The following LRRC4C variants were observed in gnomAD, a reference collection of about 807,000 sequenced individuals.
LRRC4C encodes the protein leucine-rich repeat-containing protein 4C.
Under a neutral mutation model 33.6 loss-of-function variants are expected in LRRC4C, and 5 were observed. That is an observed-to-expected ratio of 0.15 (90% confidence interval 0.08 to 0.31). The LOEUF is 0.31. LRRC4C is among the 10% of genes least tolerant of loss of function. The pLI is 1.00. For missense variants in LRRC4C, 560 were observed against 796.7 expected (o/e 0.70, Z 3.58); for synonymous variants, 329 against 302.0 (o/e 1.09, Z -0.93).
chr11:40,306,840 T>A (rs1429201439), intron 4 of LRRC4C, among the ~76,000 whole-genome samples: 2 of 152,184 alleles, frequency 1.3e-5, no homozygotes, highest in African/African-American at 4.8e-5. Flanking sequence ...CATTCACTAT[T>A]TAATGATCTT....
At position 41,399,393 on chromosome 11, in the gene LRRC4C, A is replaced by G. The variant is rs565506791; in HGVS notation, c.-496+60038T>C. Among the ~76,000 whole-genome samples the G allele has an allele frequency of 2.6e-5, 4 of 152,050 alleles. No homozygotes were observed. In the East Asian group the frequency reaches 5.8e-4, roughly 22 times the overall value. Reference sequence around the variant, plus strand: ...GGTTTGCAAGGCCAAGTGTCGGGAGAACAACATATTGTATGTGGGAGGGTG... The same window carrying G: ...GGTTTGCAAGGCCAAGTGTCGGGAGGACAACATATTGTATGTGGGAGGGTG... On this transcript the variant is annotated intron_variant, in intron 1 of 6. Transcript: ENST00000528697.
intron 1 of LRRC4C, among the ~76,000 whole-genome samples, chr11:40,952,878 ACACACACACACACACACACTCT>A (rs1225613528): frequency 2.7e-5 from 3 of 109,974 alleles, no homozygotes; most frequent in East Asian, 2.8e-4. Context: ...ACACACACAC[ACACACACACACACACACACTCT>A]CTCTCTCTCT....
chr11:41,091,410 T>G (rs1298857950), intron 1 of LRRC4C, among the ~76,000 whole-genome samples: 1 of 151,848 alleles, frequency 6.6e-6, no homozygotes, highest in Non-Finnish European at 1.5e-5. Context: ...CTAAAATAAT[T>G]AAATAATTAT....
At chr11:40,591,792 A>C (rs1451796948) in intron 3 of LRRC4C, among the ~76,000 whole-genome samples, 2 of 152,236 alleles carry the variant, frequency 1.3e-5, no homozygotes, top group East Asian at 3.8e-4. Context: ...TATTTCTTGT[A>C]AATGCCTATA....
At chr11:40,417,072 G>A (rs1012780031) in intron 3 of LRRC4C, among the ~76,000 whole-genome samples, 14 of 152,168 alleles carry the variant, frequency 9.2e-5, no homozygotes, top group African/African-American at 3.4e-4. Context: ...AAAGCAGCAT[G>A]GTTTAGTTAA....
chr11:40,371,744 G>A (rs994352831), intron 3 of LRRC4C, among the ~76,000 whole-genome samples: 1 of 152,174 alleles, frequency 6.6e-6, no homozygotes, highest in African/African-American at 2.4e-5. Context: ...AATATAATAA[G>A]TGCTAGGATA....
chr11:40,739,395 T>G (rs1948049099), intron 2 of LRRC4C, among the ~76,000 whole-genome samples: 1 of 152,040 alleles, frequency 6.6e-6, no homozygotes, highest in Non-Finnish European at 1.5e-5. Flanking sequence ...GATTTTCTTC[T>G]TTTTGAAGCC....
intron 1 of LRRC4C, among the ~76,000 whole-genome samples, chr11:41,206,877 G>A (rs1444499001): frequency 6.6e-6 from 1 of 152,068 alleles, no homozygotes; most frequent in Non-Finnish European, 1.5e-5. Flanking sequence ...AATGTAATAA[G>A]ATGAGAACAG....
At chr11:40,876,281 T>TTTC (rs71060984) in intron 2 of LRRC4C, among the ~76,000 whole-genome samples, 4 of 146,366 alleles carry the variant, frequency 2.7e-5, no homozygotes, top group African/African-American at 5.1e-5. Flanking sequence ...TTTTTTTTTT[T>TTTC]CATTGGGGAG....
At chr11:40,930,104 A>G (rs1313798891) in intron 2 of LRRC4C, among the ~76,000 whole-genome samples, 2 of 152,182 alleles carry the variant, frequency 1.3e-5, no homozygotes, top group African/African-American at 2.4e-5. Flanking sequence ...CCCGGGGCTA[A>G]TAAGAGAAAA....
intron 1 of LRRC4C, among the ~76,000 whole-genome samples, chr11:41,340,105 C>G (rs997622124): frequency 1.3e-5 from 2 of 152,046 alleles, no homozygotes; most frequent in Non-Finnish European, 2.9e-5. Context: ...TTTTAATTCT[C>G]GTATTAATCC....
chr11:41,195,667 A>G (rs1257731652), intron 1 of LRRC4C, among the ~76,000 whole-genome samples: 1 of 152,138 alleles, frequency 6.6e-6, no homozygotes, highest in Non-Finnish European at 1.5e-5. Context: ...AGAATAATCA[A>G]TAACATCAGA....
chr11:41,176,737 C>T (rs888885433), intron 1 of LRRC4C, among the ~76,000 whole-genome samples: 2 of 151,942 alleles, frequency 1.3e-5, no homozygotes, highest in South Asian at 2.1e-4. Flanking sequence ...CTGACGCAGG[C>T]GGATTGCCTG....
At chr11:41,004,752 ATGTTCTCAGGACCTCCTGAGGCTG>A (rs56227526) in intron 1 of LRRC4C, among the ~76,000 whole-genome samples, 19,870 of 151,874 alleles carry the variant, frequency 0.13, 1,400 homozygotes, top group Non-Finnish European at 0.16. Context: ...GAGGGGGCAC[ATGTTCTCAGGACCTCCTGAGGCTG>A]TGTCACAGAA....
intron 1 of LRRC4C, among the ~76,000 whole-genome samples, chr11:40,975,532 C>T (rs527982172): frequency 2.0e-4 from 31 of 152,294 alleles, no homozygotes; most frequent in African/African-American, 7.2e-4. Context: ...AGTTAAGTAG[C>T]CTCATCTCTT....
At chr11:40,305,813 A>G (rs1231262914) in intron 4 of LRRC4C, among the ~76,000 whole-genome samples, 1 of 152,186 alleles carries the variant, frequency 6.6e-6, no homozygotes, top group Non-Finnish European at 1.5e-5. Flanking sequence ...GTTCTACAGA[A>G]TTACAAAGAT....
Position 40,291,938 on chromosome 11 carries a change from T to A in LRRC4C, c.-176+27690A>T, listed in dbSNP as rs916529202. Among the ~76,000 whole-genome samples, 87 of 151,866 alleles carry A rather than the reference T, an allele frequency of 5.7e-4. 1 individual carries two copies. Among genetic ancestry groups the A allele is most frequent in the Admixed American group, 1.8e-3 (27 of 15,266 alleles). ...AGCGGCTTTCTTGGGGAGCTTTTTTTTTTTTTCCTGGTGAACATTTGCAAA... is the reference window on the plus strand; with the variant it reads ...AGCGGCTTTCTTGGGGAGCTTTTTTATTTTTTCCTGGTGAACATTTGCAAA... On this transcript the variant is annotated intron_variant, in intron 4 of 6. Transcript: ENST00000528697.
At chr11:40,984,197 T>TAGGAAGGA (rs1359684169) in intron 1 of LRRC4C, among the ~76,000 whole-genome samples, 7 of 102,244 alleles carry the variant, frequency 6.8e-5, no homozygotes, top group African/African-American at 2.7e-4. Context: ...GGAAGGAAGG[T>TAGGAAGGA]AGGAAGGAAG....
At chr11:40,124,943 C>T (rs1856097980) in intron 6 of LRRC4C, among the ~76,000 whole-genome samples, 1 of 151,490 alleles carries the variant, frequency 6.6e-6, no homozygotes, top group Admixed American at 6.6e-5. Context: ...ACTATGTACC[C>T]ACAATAATTA....
Sources: allele counts gnomAD v4.1 joint callset (sites outside exome capture counted in the v4.1 genomes callset), GRCh38; gene constraint gnomAD v4.1.1; transcripts MANE v1.5; gene names NCBI Gene and HGNC (gene_info 2026-07-23, HGNC 2026-07-21).